The following FAM83H variants were observed in gnomAD, a reference collection of about 807,000 sequenced individuals.
FAM83H encodes the protein protein FAM83H.
In FAM83H, 24 loss-of-function variants were observed where a neutral mutation model predicts 30.2. The ratio of observed to expected loss-of-function variants is 0.79; its 90% CI spans 0.57 to 1.12. The LOEUF (loss-of-function observed/expected upper bound fraction) is 1.12, where lower values mean the gene tolerates loss of function less well. Ranked by LOEUF, FAM83H falls within the 50% of genes most tolerant of loss-of-function variation. The pLI, the probability that FAM83H is intolerant of heterozygous loss-of-function variation, is 0.00. For missense variants in FAM83H, 2,038 were observed against 1,773.9 expected (o/e 1.15, Z -2.67); for synonymous variants, 1,013 against 821.7 (o/e 1.23, Z -3.98).
chr8:143,731,452 T>G (rs910276856), intron 1 of FAM83H: 7 of 985,212 alleles, frequency 7.1e-6, no homozygotes, highest in Admixed American at 6.1e-5. Context: ...CCACACATAG[T>G]CCCGGGCCAC....
rs1554623470 is a variant in FAM83H, at chr8:143,728,514, G to T, written c.947C>A (p.Ala316Glu). Reference sequence around the variant, plus strand: ...TTTAGGGAAGGAGAAGGGGGTTGGCGCCCCGACCCCAGGGACGCCCACGAG... The same window carrying T: ...TTTAGGGAAGGAGAAGGGGGTTGGCTCCCCGACCCCAGGGACGCCCACGAG... ...GPLVGVPGVG[A>E]PTPFSFPKRA... The change falls in exon 5 of 5, where the codon GCG (alanine) becomes GAG (glutamate). Residue 316 changes from alanine to glutamate, a missense_variant. Transcript: ENST00000388913. 3.8e-6 allele frequency: 6 copies of T among 1,558,608 alleles called. No individual in the cohort carries two copies. The highest frequency in any genetic ancestry group is 5.2e-6 in the Non-Finnish European group (6 of 1,151,452).
intron 1 of FAM83H, chr8:143,732,652 T>C (rs934647155): frequency 1.0e-6 from 1 of 985,278 alleles, no homozygotes; most frequent in Admixed American, 6.1e-5. Context: ...CACAGGGTGA[T>C]GCCCAGACCT....
At position 143,725,758 on chromosome 8, in the gene FAM83H, C is replaced by G. The variant is rs985910892; in HGVS notation, c.*163G>C. 1.6e-4 allele frequency: 207 copies of G among 1,254,760 alleles called. 1 individual carries two copies. The highest frequency in any genetic ancestry group is 2.1e-4 in the Non-Finnish European group (191 of 918,970). 77.7% of individuals were successfully genotyped at this position (1,254,760 alleles called of 1,614,324 possible). A position where few individuals can be genotyped will look rare whatever the true frequency, so the allele number is the denominator to read the frequency against. On this transcript the variant is annotated 3_prime_UTR_variant, in exon 5 of 5. Transcript: ENST00000388913. ...GCAGAGACGGCAGCTGCCAGGTGAG[C>G]CTCCAGTGGAGCCGAGGTCTGGCGC...
chr8:143,731,597 CCTCT>C, intron 1 of FAM83H: 1 of 985,488 alleles, frequency 1.0e-6, no homozygotes, highest in Non-Finnish European at 1.2e-6. Flanking sequence ...CTACCTTTGA[CCTCT>C]TTCTTGTCAC....
Position 143,732,453 on chromosome 8 carries a change from G to C in FAM83H, c.-16+1238C>G, listed in dbSNP as rs1009462743. On this transcript the variant is annotated intron_variant, in intron 1 of 4. Transcript: ENST00000388913. ...GGGCGGTGTCTGACCATACAGGGCA[G>C]GGGGAACAACCCTGCTGATGTTGTT... 15 of 985,242 alleles carry C rather than the reference G, an allele frequency of 1.5e-5. No individual in the cohort carries two copies. In the African/African-American group the frequency reaches 2.4e-4, roughly 16 times the overall value. 61.0% of individuals were successfully genotyped at this position (985,242 alleles called of 1,614,324 possible). A position where few individuals can be genotyped will look rare whatever the true frequency, so the allele number is the denominator to read the frequency against.
Position 143,727,103 on chromosome 8 carries a change from G to C in FAM83H, c.2358C>G (p.Leu786=). ...CGCGCAGGTCCAGCAGGCAGCTCTCGAGGCTGCGGCGCTCGCCCCCCACGG... is the reference window on the plus strand; with the variant it reads ...CGCGCAGGTCCAGCAGGCAGCTCTCCAGGCTGCGGCGCTCGCCCCCCACGG... ...PGAVGGERRS[L]ESCLLDLRDS... Residue 786 remains leucine (L), a synonymous_variant, in exon 5 of 5, where the codon CTC becomes CTG. Coordinates refer to ENST00000388913, the MANE Select transcript of FAM83H (RefSeq NM_198488.5). 3 of 1,537,752 alleles carry C rather than the reference G, an allele frequency of 2.0e-6. No individual in the cohort carries two copies. The highest frequency in any genetic ancestry group is 2.6e-6 in the Non-Finnish European group (3 of 1,148,132).
chr8:143,732,376 G>A (rs1818554812), intron 1 of FAM83H: 1 of 985,232 alleles, frequency 1.0e-6, no homozygotes, highest in Admixed American at 6.1e-5. Context: ...TGAGGTGTAG[G>A]CCTGTCTGGC....
chr8:143,725,781 C>T lies in FAM83H; in HGVS notation c.*140G>A. 2 of 1,432,756 alleles carry T rather than the reference C, an allele frequency of 1.4e-6. No individual in the cohort carries two copies. Among genetic ancestry groups the T allele is most frequent in the Non-Finnish European group, 9.4e-7 (1 of 1,061,490 alleles). 88.8% of individuals were successfully genotyped at this position (1,432,756 alleles called of 1,614,324 possible). On this transcript the variant is annotated 3_prime_UTR_variant, in exon 5 of 5. Coordinates refer to ENST00000388913, the MANE Select transcript of FAM83H (RefSeq NM_198488.5). ...AGCCTCCAGTGGAGCCGAGGTCTGG[C>T]GCACTCAGCCAAGCCCCAAGCGGCC...
In FAM83H at chr8:143,728,621, C is replaced by T; in HGVS notation, c.840G>A (p.Gln280=). Residue 280 remains glutamine (Q), a synonymous_variant, in exon 5 of 5, where the codon CAG becomes CAA. Coordinates refer to ENST00000388913, the MANE Select transcript of FAM83H (RefSeq NM_198488.5). ...CGGCCGAGGGCACAAGCGGCTCGGA[C>T]TGCGCGAAGAGGATGCGGAACTCCT... is the stretch of plus-strand genomic sequence containing the variant. ...FDEEFRILFA[Q]SEPLVPSAAA... 6.2e-7 allele frequency: 1 copy of T among 1,609,802 alleles called. No individual in the cohort carries two copies. Among genetic ancestry groups the T allele is most frequent in the Non-Finnish European group, 8.5e-7 (1 of 1,179,724 alleles).
chr8:143,729,812 AG>A (rs1327980351), intron 2 of FAM83H, among the ~76,000 whole-genome samples: 1 of 152,254 alleles, frequency 6.6e-6, no homozygotes, highest in Non-Finnish European at 1.5e-5. Context: ...GGTGATGGTT[AG>A]AAGCCCTCAG....
rs77921406 is a variant in FAM83H, at chr8:143,727,685, G to A, written c.1776C>T (p.Gly592=). The A allele has an allele frequency of 1.9e-6, 3 of 1,561,398 alleles. No homozygotes were observed. Among genetic ancestry groups the A allele is most frequent in the Non-Finnish European group, 2.6e-6 (3 of 1,161,514 alleles). Residue 592 remains glycine, a synonymous_variant, in exon 5 of 5, where the codon GGC becomes GGT. Coordinates refer to ENST00000388913, the MANE Select transcript of FAM83H (RefSeq NM_198488.5). ...RLASYLSGCH[G]EDGGDDGLPA... ...GTAGGCCGTCGTCGCCCCCATCCTC[G>A]CCGTGGCAGCCGCTCAAGTAGGAGG... is the stretch of plus-strand genomic sequence containing the variant.
Position 143,727,021 on chromosome 8 carries a change from G to A in FAM83H, c.2440C>T (p.Leu814Phe). 6.4e-7 allele frequency: 1 copy of A among 1,567,430 alleles called. No homozygotes were observed. The highest frequency in any genetic ancestry group is 1.4e-5 in the African/African-American group (1 of 74,004). Residue 814 changes from leucine to phenylalanine, a missense_variant, in exon 5 of 5, where the codon CTC becomes TTC. Transcript: ENST00000388913. ...GTGTCGAGCAGCTGCGCCGCGGTGA[G>A]CGACGCGGCTCCCGGCTGCCGCTCC... ...EAERQPGAAS[L>F]TAAQLLDTLG...
chr8:143,727,300 GC>G lies in FAM83H; in HGVS notation c.2160del (p.Gly722AlafsTer252). 1 of 1,540,172 alleles carries G rather than the reference GC, an allele frequency of 6.5e-7. No individual in the cohort carries two copies. The highest frequency in any genetic ancestry group is 8.7e-7 in the Non-Finnish European group (1 of 1,149,186). ...GCGGAGCGCACGGCCTCTCCGCCGGGCCCCAGCGTCTCGCTGACCGTCTGCT... is the reference window on the plus strand; with the variant it reads ...GCGGAGCGCACGGCCTCTCCGCCGGGCCCAGCGTCTCGCTGACCGTCTGCT... ...HKEQTVSETL[G>X]PGGEAVRSAA... On this transcript the variant is annotated frameshift_variant, in exon 5 of 5. Transcript: ENST00000388913. LOFTEE classifies it low-confidence loss of function (END_TRUNC).
Position 143,726,420 on chromosome 8 carries a change from G to A in FAM83H, c.3041C>T (p.Thr1014Ile), listed in dbSNP as rs1554621767. 2 of 1,604,170 alleles carry A rather than the reference G, an allele frequency of 1.2e-6. No homozygotes were observed. Among genetic ancestry groups the A allele is most frequent in the East Asian group, 4.5e-5 (2 of 44,686 alleles). Residue 1014 changes from threonine to isoleucine, a missense_variant, in exon 5 of 5, where the codon ACA becomes ATA. By Grantham distance (89) the Thr-to-Ile change is moderately conservative (BLOSUM62 -1). Transcript: ENST00000388913. ...GCGCGCCCGCGGACCCCGCTCTTCT[G>A]TGGCAGCCTCCGTGCTGTCACCCTG... ...LGQGDSTEAA[T>I]EERGPRARLS...
intron 1 of FAM83H, chr8:143,732,493 G>A (rs900726897): frequency 9.2e-5 from 91 of 985,228 alleles, no homozygotes; most frequent in Non-Finnish European, 9.9e-5. Context: ...GGTACTTCCC[G>A]ACACTGGGGG....
In FAM83H at chr8:143,727,673, G is replaced by A. The variant is rs1186755471; in HGVS notation, c.1788C>T (p.Gly596=). 9 of 1,568,176 alleles carry A rather than the reference G, an allele frequency of 5.7e-6. No homozygotes were observed. The highest frequency in any genetic ancestry group is 5.5e-5 in the African/African-American group (4 of 72,866). Residue 596 remains glycine, a synonymous_variant, in exon 5 of 5, where the codon GGC becomes GGT. Coordinates refer to ENST00000388913, the MANE Select transcript of FAM83H (RefSeq NM_198488.5). ...YLSGCHGEDG[G]DDGLPAPMEA... is the part of the protein sequence containing the mutation. ...CCATGGGCGCCGGTAGGCCGTCGTC[G>A]CCCCCATCCTCGCCGTGGCAGCCGC...
At position 143,727,418 on chromosome 8, in the gene FAM83H, C is replaced by A; in HGVS notation, c.2043G>T (p.Arg681Ser). 6.4e-7 allele frequency: 1 copy of A among 1,571,324 alleles called. No individual in the cohort carries two copies. Among genetic ancestry groups the A allele is most frequent in the African/African-American group, 1.3e-5 (1 of 74,566 alleles). Residue 681 changes from arginine (R) to serine (S), a missense_variant, in exon 5 of 5, where the codon AGG (arginine) becomes AGT (serine). Arg to Ser is a moderately radical substitution (Grantham distance 110, BLOSUM62 -1). Coordinates refer to ENST00000388913, the MANE Select transcript of FAM83H (RefSeq NM_198488.5). ...TGCTGAAGATGAGCGAGGAGCGCAG[C>A]CTGGAGCTGCGCTGGACCAGGGGGT... ...RLNPLVQRSS[R>S]LRSSLIFSTS...
chr8:143,728,925 G>C, intron 4 of FAM83H, 42 bp downstream of exon 4: 2 of 1,612,598 alleles, frequency 1.2e-6, no homozygotes, highest in African/African-American at 2.7e-5. Flanking sequence ...GGTTACAGGA[G>C]GAGGCCCCAG....
In FAM83H at chr8:143,727,639, C is replaced by T. The variant is rs1554622745; in HGVS notation, c.1822G>A (p.Ala608Thr). The change falls in exon 5 of 5, where the codon GCT becomes ACT. Residue 608 changes from alanine (A) to threonine (T), a missense_variant. Transcript: ENST00000388913. ...DGLPAPMEAE[A>T]YEDDVLAPGG... Reference sequence around the variant, plus strand: ...GGAGCCAGCACGTCGTCTTCGTAAGCCTCCGCTTCCATGGGCGCCGGTAGG... The same window carrying T: ...GGAGCCAGCACGTCGTCTTCGTAAGTCTCCGCTTCCATGGGCGCCGGTAGG... The T allele has an allele frequency of 1.3e-6, 2 of 1,578,780 alleles. No homozygotes were observed. The highest frequency in any genetic ancestry group is 1.1e-5 in the South Asian group (1 of 88,190).
Sources: gnomAD v4.1 joint callset for allele counts (sites outside exome capture counted in the v4.1 genomes callset) on GRCh38, gnomAD v4.1.1 for gene constraint, MANE v1.5 for transcripts, NCBI Gene and HGNC (gene_info 2026-07-23, HGNC 2026-07-21) for gene names.